Variants in ZNF846 observed in about 807,000 individuals in gnomAD.
ZNF846 encodes the protein zinc finger protein 846, also known as zinc finger protein 420 pseudogene.
A neutral mutation model predicts 16.0 loss-of-function variants in ZNF846; 15 were observed. That is an observed-to-expected ratio of 0.94 (90% CI 0.63 to 1.45). The LOEUF (loss-of-function observed/expected upper bound fraction) is 1.45. ZNF846 is among the 40% of genes most tolerant of loss of function. ZNF846 has a pLI of 0.00. For synonymous variants in ZNF846, 229 were observed against 212.0 expected (o/e 1.08, Z -0.70); for missense variants, 714 against 622.3 (o/e 1.15, Z -1.57).
chr19:9,756,309 ATGTG>A (rs1431124806), downstream of ZNF846: 1 of 130,282 alleles, frequency 7.7e-6, no homozygotes. Context: ...ACGTGTGTGT[ATGTG>A]TGTGTGCATA....
chr19:9,765,600 G>C (rs1356251988), intron 1 of ZNF846, among the ~76,000 whole-genome samples: 1 of 152,060 alleles, frequency 6.6e-6, no homozygotes, highest in African/African-American at 2.4e-5. Context: ...ATGAACCCAG[G>C]TGGCAGAGTT....
downstream of ZNF846, among the ~76,000 whole-genome samples, chr19:9,753,398 C>A (rs932496057): frequency 1.3e-5 from 2 of 149,932 alleles, no homozygotes; most frequent in Non-Finnish European, 2.9e-5. Flanking sequence ...ACTACAGGCA[C>A]CCAGCACCAC....
chr19:9,763,586 T>A, intron 2 of ZNF846, 178 bp from the exon 3 acceptor site: 1 of 463,224 alleles, frequency 2.2e-6, no homozygotes, highest in South Asian at 6.1e-5. Context: ...CTTATCAGCA[T>A]CACTGAAACA....
At chr19:9,757,137 G>A (rs1194194630), downstream of ZNF846, among the ~76,000 whole-genome samples, 1 of 151,378 alleles carries the variant, frequency 6.6e-6, no homozygotes, top group East Asian at 1.9e-4. Flanking sequence ...AGAGGTTGCA[G>A]TGGGCCAAGG....
chr19:9,776,603 C>T lies in ZNF846; in HGVS notation c.-86+9335G>A, dbSNP rs562648525. On this transcript the variant is annotated intron_variant, in intron 1 of 4. Transcript: ENST00000586814. ...TTGCTTTGTATCCAGTAAATAACAG[C>T]GCAGCCAGACATTTGGGGCCACTAC... Among the ~76,000 whole-genome samples, 196 of 152,312 alleles carry T rather than the reference C, an allele frequency of 1.3e-3. 1 individual carries two copies. Among genetic ancestry groups the T allele is most frequent in the South Asian group, 8.9e-3 (43 of 4,830 alleles).
At position 9,764,154 on chromosome 19, in the gene ZNF846, G is replaced by A. The variant is rs985224920; in HGVS notation, c.16-746C>T. Among the ~76,000 whole-genome samples the A allele has an allele frequency of 2.0e-5, 3 of 152,110 alleles. No homozygotes were observed. The East Asian group carries it at 5.8e-4, about 29-fold the overall frequency. On this transcript the variant is annotated intron_variant, in intron 2 of 5. Transcript: ENST00000397902. Reference sequence around the variant, plus strand: ...AGAGCCTATAAACAGATGCATGGGGGGTGCCTGTCCATATGGATAAACGCC... The same window carrying A: ...AGAGCCTATAAACAGATGCATGGGGAGTGCCTGTCCATATGGATAAACGCC...
At chr19:9,780,538 C>T (rs528693824) in intron 1 of ZNF846, among the ~76,000 whole-genome samples, 10 of 152,154 alleles carry the variant, frequency 6.6e-5, no homozygotes, top group African/African-American at 2.2e-4. Context: ...CAACCTCTGC[C>T]TCCCAGGTTC....
At chr19:9,778,450 C>A (rs1242385689) in intron 1 of ZNF846, among the ~76,000 whole-genome samples, 2 of 152,150 alleles carry the variant, frequency 1.3e-5, no homozygotes, top group African/African-American at 4.8e-5. Context: ...TTGGAAATCA[C>A]TGCTCTAGAC....
upstream of ZNF846, among the ~76,000 whole-genome samples, chr19:9,770,947 A>C (rs890257544): frequency 2.6e-5 from 4 of 152,144 alleles, no homozygotes; most frequent in African/African-American, 9.7e-5. Context: ...ACCAAAATGG[A>C]AAAAGGTTTA....
At chr19:9,764,744 C>A in intron 2 of ZNF846, 192 bp downstream of exon 2, 1 of 636,122 alleles carries the variant, frequency 1.6e-6, no homozygotes. Flanking sequence ...CTGGCCAGAT[C>A]CCGCAATACA....
chr19:9,764,809 C>A, intron 2 of ZNF846, 127 bp downstream of exon 2: 1 of 1,132,132 alleles, frequency 8.8e-7, no homozygotes, highest in Non-Finnish European at 1.3e-6. Context: ...GAGAAATTCA[C>A]CTGGGGAGTT....
downstream of ZNF846, among the ~76,000 whole-genome samples, chr19:9,751,822 C>T (rs72489407): frequency 0.12 from 18,333 of 152,134 alleles, 1,365 homozygotes; most frequent in Admixed American, 0.23. Flanking sequence ...CTAACTCCAC[C>T]GCCTATCCCA....
chr19:9,764,850 G>A, intron 2 of ZNF846, 86 bp downstream of exon 2: 1 of 1,489,540 alleles, frequency 6.7e-7, no homozygotes, highest in Non-Finnish European at 9.4e-7. Context: ...ATTTCTTTAA[G>A]ATGCTTGAAT....
At chr19:9,782,014 T>G (rs974527610) in intron 1 of ZNF846, among the ~76,000 whole-genome samples, 7 of 152,070 alleles carry the variant, frequency 4.6e-5, no homozygotes, top group Non-Finnish European at 1.0e-4. Flanking sequence ...TGACTCCAGA[T>G]GATCCACCCA....
upstream of ZNF846, among the ~76,000 whole-genome samples, chr19:9,772,155 T>C (rs1244796400): frequency 6.6e-6 from 1 of 152,212 alleles, no homozygotes; most frequent in Non-Finnish European, 1.5e-5. Context: ...CAACCATCAT[T>C]AGACTGTAAA....
At chr19:9,783,960 C>T (rs191984053) in intron 1 of ZNF846, among the ~76,000 whole-genome samples, 161 of 152,286 alleles carry the variant, frequency 1.1e-3, no homozygotes, top group Non-Finnish European at 6.2e-4. Flanking sequence ...GCTTCGGCCT[C>T]CCAAAGTGTT....
downstream of ZNF846, chr19:9,757,347 T>C (rs1048457333): frequency 5.5e-6 from 4 of 732,944 alleles, no homozygotes; most frequent in Middle Eastern, 3.9e-4. Context: ...CTGGGACTTG[T>C]GTCCATGTTA....
intron 1 of ZNF846, chr19:9,774,467 C>CAA (rs373189763): frequency 1.0e-3 from 705 of 704,746 alleles, no homozygotes; most frequent in Non-Finnish European, 1.2e-3. Context: ...GACTCCGTCT[C>CAA]AAAAAAAAAA....
At chr19:9,749,906 G>A (rs559276108), downstream of ZNF846, among the ~76,000 whole-genome samples, 44 of 152,080 alleles carry the variant, frequency 2.9e-4, no homozygotes, top group Middle Eastern at 3.4e-3. Context: ...ACACTTCTCC[G>A]CATCTACTTA....
Sources: allele counts gnomAD v4.1 joint callset (sites outside exome capture counted in the v4.1 genomes callset), GRCh38; gene constraint gnomAD v4.1.1; transcripts MANE v1.5; gene names NCBI Gene and HGNC (gene_info 2026-07-23, HGNC 2026-07-21).